KLK2: variants seen among roughly 807,000 people sequenced by gnomAD.
The protein encoded by KLK2 is kallikrein-2.
KLK2 carries 17 observed loss-of-function variants against 23.0 expected under a neutral mutation model. The observed-to-expected ratio is 0.74, with a 90% CI of 0.51 to 1.11. The LOEUF (loss-of-function observed/expected upper bound fraction) is 1.11. Among genes scored for constraint, KLK2 ranks in the 50% least tolerant of loss-of-function variants. KLK2 has a pLI of 0.00. For missense variants in KLK2, 330 were observed against 325.9 expected (o/e 1.01, Z -0.10); for synonymous variants, 140 against 124.7 (o/e 1.12, Z -0.82).
At chr19:50,875,251 CCTGT>C (rs1254633177) in intron 2 of KLK2, among the ~76,000 whole-genome samples, 1 of 152,170 alleles carries the variant, frequency 6.6e-6, no homozygotes, top group African/African-American at 2.4e-5. Context: ...CATCTCTTTG[CCTGT>C]CTTTCTCTCT....
At chr19:50,877,050 G>A in intron 4 of KLK2, 42 bp downstream of exon 4, 2 of 1,613,754 alleles carry the variant, frequency 1.2e-6, no homozygotes, top group East Asian at 2.2e-5. Flanking sequence ...GGAAAGGTGA[G>A]TGAAGACCCT....
At position 50,878,741 on chromosome 19, in the gene KLK2, G is replaced by T; in HGVS notation, c.*182G>T. On this transcript the variant is annotated 3_prime_UTR_variant, in exon 5 of 5. Coordinates refer to ENST00000325321, the MANE Select transcript of KLK2 (RefSeq NM_005551.5). ...GTCCAGGGCTGCTAGGAAAAGGAAT[G>T]GGCAGACACAGGTGTATGCCAATGT... The T allele has an allele frequency of 1.8e-6, 1 of 554,232 alleles. No individual in the cohort carries two copies. 34.3% of individuals were successfully genotyped at this position (554,232 alleles called of 1,614,324 possible).
rs1369786832 is a variant in KLK2 at position 50,879,263 on chromosome 19, C to T, written c.*704C>T. 1.3e-5 allele frequency: 3 copies of T among 232,594 alleles called. No individual in the cohort carries two copies. Among genetic ancestry groups the T allele is most frequent in the Non-Finnish European group, 2.5e-5 (3 of 117,742 alleles). The allele number at this position is 232,594 out of a possible 1,614,324, so 14.4% of individuals were successfully genotyped here. ...TATGGTTTGTTACATTGATAGGATA[C>T]ATACTGAAATCAGCAAACAAAACAG... On this transcript the variant is annotated 3_prime_UTR_variant, in exon 5 of 5. Coordinates refer to ENST00000325321, the MANE Select transcript of KLK2 (RefSeq NM_005551.5).
At position 50,874,743 on chromosome 19, in the gene KLK2, T is replaced by G; in HGVS notation, c.69T>G (p.Ser23=). Residue 23 remains serine, a synonymous_variant, in exon 2 of 5, where the codon TCT becomes TCG. Coordinates refer to ENST00000325321, the MANE Select transcript of KLK2 (RefSeq NM_005551.5). ...GCTGAVPLIQ[S]RIVGGWECEK... Reference sequence around the variant, plus strand: ...CAGGTGCCGTGCCCCTCATCCAGTCTCGGATTGTGGGAGGCTGGGAGTGTG... The same window carrying G: ...CAGGTGCCGTGCCCCTCATCCAGTCGCGGATTGTGGGAGGCTGGGAGTGTG... The G allele has an allele frequency of 2.5e-6, 4 of 1,612,308 alleles. No homozygotes were observed. Among genetic ancestry groups the G allele is most frequent in the Non-Finnish European group, 3.4e-6 (4 of 1,179,530 alleles).
In KLK2 at chr19:50,878,580, C is replaced by A; in HGVS notation, c.*21C>A. ...CCTGAGTGCCCCTGTCCCACCCCTACCTCTAGTAAATTTAAGTCCACCTCA... is the reference window on the plus strand; with the variant it reads ...CCTGAGTGCCCCTGTCCCACCCCTAACTCTAGTAAATTTAAGTCCACCTCA... On this transcript the variant is annotated 3_prime_UTR_variant, in exon 5 of 5. Coordinates refer to ENST00000325321, the MANE Select transcript of KLK2 (RefSeq NM_005551.5). The A allele has an allele frequency of 1.9e-6, 3 of 1,598,748 alleles. No individual in the cohort carries two copies. The highest frequency in any genetic ancestry group is 1.7e-6 in the Non-Finnish European group (2 of 1,169,130).
At position 50,880,384 on chromosome 19, in the gene KLK2, T is replaced by G. The variant is rs2090331992; in HGVS notation, c.*1825T>G. On this transcript the variant is annotated 3_prime_UTR_variant, in exon 5 of 5. Transcript: ENST00000325321. The stretch of plus-strand genomic sequence containing the variant: ...GTCTTGCTTTACTAAGTTTTGAGAC[T>G]GGCAGGTAGTGAAACTCATTAGGCT... 2 of 221,286 alleles carry G rather than the reference T, an allele frequency of 9.0e-6. No individual in the cohort carries two copies. The highest frequency in any genetic ancestry group is 1.8e-4 in the South Asian group (1 of 5,434). The allele number at this position is 221,286 out of a possible 1,614,324, so 13.7% of individuals were successfully genotyped here.
At chr19:50,876,419 T>A (rs2090287518) in intron 2 of KLK2, 53 bp from the exon 3 acceptor site, 2 of 1,545,670 alleles carry the variant, frequency 1.3e-6, no homozygotes, top group East Asian at 4.5e-5. Context: ...CCCTGCCCCA[T>A]CTACCTTTCC....
intron 1 of KLK2, chr19:50,874,383 A>G (rs1280795225): frequency 2.0e-5 from 4 of 201,360 alleles, no homozygotes. Flanking sequence ...CACAGCTGCC[A>G]CCACAGTGTC....
chr19:50,880,348 G>T lies in KLK2; in HGVS notation c.*1789G>T, dbSNP rs530604832. On this transcript the variant is annotated 3_prime_UTR_variant, in exon 5 of 5. Transcript: ENST00000325321. ...TGGGGCAAACTCTGATTTCCGTGGG[G>T]GAATGTCATGGTCTTGCTTTACTAA... The T allele has an allele frequency of 1.2e-4, 27 of 224,378 alleles. No homozygotes were observed. Among genetic ancestry groups the T allele is most frequent in the Non-Finnish European group, 2.3e-4 (26 of 112,404 alleles). The allele number at this position is 224,378 out of a possible 1,614,324, so 13.9% of individuals were successfully genotyped here.
At chr19:50,878,363 G>T in intron 4 of KLK2, 41 bp from the exon 5 acceptor site, 1 of 1,580,890 alleles carries the variant, frequency 6.3e-7, no homozygotes, top group Non-Finnish European at 8.6e-7. Flanking sequence ...CAGTTATTGG[G>T]GCCAATCTTT....
chr19:50,878,327 G>A (rs552772790), intron 4 of KLK2, 77 bp from the exon 5 acceptor site: 8 of 1,396,620 alleles, frequency 5.7e-6, no homozygotes, highest in East Asian at 4.7e-5. Flanking sequence ...CTGCCTGCGC[G>A]GTTCTGAGAG....
chr19:50,873,574 C>T, intron 1 of KLK2, 55 bp downstream of exon 1: 1 of 1,303,982 alleles, frequency 7.7e-7, no homozygotes. Context: ...ATGCTGAAGC[C>T]CTTTTCCTCC....
intron 1 of KLK2, chr19:50,873,793 T>C (rs992094149): frequency 1.2e-5 from 6 of 506,570 alleles, no homozygotes; most frequent in Non-Finnish European, 2.1e-5. Context: ...TGTGTTTCTC[T>C]TTATGGGGTT....
intron 4 of KLK2, among the ~76,000 whole-genome samples, 178 bp from the exon 5 acceptor site, chr19:50,878,226 C>G (rs959981945): frequency 9.2e-5 from 14 of 152,176 alleles, no homozygotes; most frequent in African/African-American, 3.4e-4. Flanking sequence ...GCCTTGTTCC[C>G]TCTGTTGGAC....
In KLK2 at chr19:50,880,157, C is replaced by T. The variant is rs568156313; in HGVS notation, c.*1598C>T. 2 of 229,954 alleles carry T rather than the reference C, an allele frequency of 8.7e-6. No homozygotes were observed. Among genetic ancestry groups the T allele is most frequent in the East Asian group, 1.2e-4 (2 of 16,158 alleles). 14.2% of individuals were successfully genotyped at this position (229,954 alleles called of 1,614,324 possible). A position where few individuals can be genotyped will look rare whatever the true frequency, so the allele number is the denominator to read the frequency against. Reference sequence around the variant, plus strand: ...GGGTTATGAAGATGGTTGAACACCCCACACATAGCACCGGAGATATGAGAT... The same window carrying T: ...GGGTTATGAAGATGGTTGAACACCCTACACATAGCACCGGAGATATGAGAT... On this transcript the variant is annotated 3_prime_UTR_variant, in exon 5 of 5. Transcript: ENST00000325321.
Position 50,874,887 on chromosome 19 carries a change from A to G in KLK2, c.206+7A>G, listed in dbSNP as rs2090266822. On this transcript the variant is annotated splice_region_variant and intron_variant, in intron 2 of 4. Transcript: ENST00000325321. ...CTGCCCATTGCCTAAAGAAGTAAGT[A>G]GGACCCTGGGATCTGGGGAGGGAAT... 3.7e-6 allele frequency: 6 copies of G among 1,612,070 alleles called. No individual in the cohort carries two copies. In the East Asian group the frequency reaches 8.9e-5, roughly 24 times the overall value.
Position 50,876,538 on chromosome 19 carries a change from T to C in KLK2, c.273T>C (p.Pro91=). The C allele has an allele frequency of 1.9e-6, 3 of 1,614,196 alleles. No individual in the cohort carries two copies. Among genetic ancestry groups the C allele is most frequent in the South Asian group, 1.1e-5 (1 of 91,086 alleles). ...FEPEDTGQRV[P]VSHSFPHPLY... ...CTGAAGACACAGGCCAGAGGGTCCC[T>C]GTCAGCCACAGCTTCCCACACCCGC... is the stretch of plus-strand genomic sequence containing the variant. Residue 91 remains proline (P), a synonymous_variant, in exon 3 of 5, where the codon CCT becomes CCC. Transcript: ENST00000325321.
chr19:50,878,253 T>G, intron 4 of KLK2, 151 bp from the exon 5 acceptor site: 1 of 727,146 alleles, frequency 1.4e-6, no homozygotes, highest in East Asian at 2.6e-5. Context: ...CCCATATTCT[T>G]GTGGGAGTGG....
At chr19:50,874,952 A>T in intron 2 of KLK2, 72 bp downstream of exon 2, 1 of 1,535,166 alleles carries the variant, frequency 6.5e-7, no homozygotes. Context: ...TGCTTCCCCC[A>T]GGGTCACTTC....
Sources: gnomAD v4.1 joint callset for allele counts (sites outside exome capture counted in the v4.1 genomes callset) on GRCh38, gnomAD v4.1.1 for gene constraint, MANE v1.5 for transcripts, NCBI Gene and HGNC (gene_info 2026-07-23, HGNC 2026-07-21) for gene names.